SKAP1: variants seen among roughly 807,000 people sequenced by gnomAD.
SKAP1 encodes src kinase associated phosphoprotein 1.
A neutral mutation model predicts 58.5 loss-of-function variants in SKAP1; 44 were observed. The ratio of observed to expected loss-of-function variants is 0.75; its 90% CI spans 0.59 to 0.97. SKAP1 has a LOEUF of 0.97. SKAP1 is among the 50% of genes least tolerant of loss of function. The pLI, the probability that SKAP1 is intolerant of heterozygous loss-of-function variation, is 0.00. For synonymous variants in SKAP1, 127 were observed against 149.7 expected (o/e 0.85, Z 1.11); for missense variants, 390 against 435.2 (o/e 0.90, Z 0.92).
intron 2 of SKAP1, among the ~76,000 whole-genome samples, chr17:48,380,897 G>A (rs189226113): frequency 4.6e-5 from 7 of 152,224 alleles, no homozygotes; most frequent in Admixed American, 3.9e-4. Flanking sequence ...ATCATATTTC[G>A]AAAGTTGAAG....
the SKAP1 span, among the ~76,000 whole-genome samples, chr17:48,441,914 G>A: frequency 2.0e-5 from 3 of 152,096 alleles, no homozygotes; most frequent in South Asian, 2.1e-4. Flanking sequence ...CCATGATCTC[G>A]AAAGGTGGAG....
chr17:48,413,918 T>C (rs2067700026), intron 1 of SKAP1, among the ~76,000 whole-genome samples: 2 of 152,158 alleles, frequency 1.3e-5, no homozygotes, highest in Admixed American at 6.5e-5. Context: ...TTCCCACAGT[T>C]ACCTTTAACT....
intron 10 of SKAP1, 54 bp from the exon 11 acceptor site, chr17:48,162,623 A>G (rs208005): frequency 0.9 from 1,216,376 of 1,358,800 alleles, 545,084 homozygotes; most frequent in Admixed American, 0.93. Context: ...TTTCCGAGGT[A>G]CCCATGTTTT....
intron 4 of SKAP1, among the ~76,000 whole-genome samples, chr17:48,333,376 T>C (rs1375700414): frequency 6.6e-6 from 1 of 152,182 alleles, no homozygotes; most frequent in Admixed American, 6.5e-5. Context: ...TGAAAGCTTA[T>C]GATTTATGTG....
intron 3 of SKAP1, among the ~76,000 whole-genome samples, chr17:48,350,694 C>A (rs913595472): frequency 3.9e-5 from 6 of 152,080 alleles, no homozygotes; most frequent in African/African-American, 1.4e-4. Flanking sequence ...GAAACTCCAT[C>A]TCAAAAACAA....
At chr17:48,363,667 C>G in intron 3 of SKAP1, 122 bp downstream of exon 3, 1 of 829,184 alleles carries the variant, frequency 1.2e-6, no homozygotes, top group South Asian at 2.3e-5. Context: ...AAACACTCCA[C>G]TAACTTTCCT....
chr17:48,195,642 TAATC>T (rs1184990890), intron 4 of SKAP1, among the ~76,000 whole-genome samples: 2 of 152,186 alleles, frequency 1.3e-5, no homozygotes, highest in African/African-American at 4.8e-5. Flanking sequence ...ACAACGTACT[TAATC>T]AAGTTCTTCA....
chr17:48,391,613 T>G (rs1267883587), intron 2 of SKAP1, among the ~76,000 whole-genome samples: 1 of 152,186 alleles, frequency 6.6e-6, no homozygotes, highest in Non-Finnish European at 1.5e-5. Context: ...AGTAATAATG[T>G]TGAAGTTGTT....
At chr17:48,281,075 G>A (rs2065759882) in intron 4 of SKAP1, among the ~76,000 whole-genome samples, 1 of 151,846 alleles carries the variant, frequency 6.6e-6, no homozygotes, top group Admixed American at 6.6e-5. Context: ...TGCCAGGCTG[G>A]AGTGCAGTGG....
chr17:48,357,502 C>T (rs906381391), intron 3 of SKAP1, among the ~76,000 whole-genome samples: 2 of 151,872 alleles, frequency 1.3e-5, no homozygotes, highest in African/African-American at 2.4e-5. Context: ...TGGTGGCGGG[C>T]GCCTGTAGTC....
chr17:48,335,740 C>A (rs944244297), intron 4 of SKAP1, among the ~76,000 whole-genome samples: 9 of 152,042 alleles, frequency 5.9e-5, no homozygotes, highest in Admixed American at 2.6e-4. Context: ...GCTTAAAATT[C>A]ATATTTAACA....
At chr17:48,437,487 A>G in the SKAP1 span, among the ~76,000 whole-genome samples, 4 of 152,192 alleles carry the variant, frequency 2.6e-5, no homozygotes, top group Non-Finnish European at 5.9e-5. Context: ...TCACGCCTGT[A>G]ATCCCAACAC....
intron 2 of SKAP1, among the ~76,000 whole-genome samples, chr17:48,392,740 A>G (rs981422790): frequency 6.6e-5 from 10 of 151,926 alleles, no homozygotes; most frequent in African/African-American, 2.4e-4. Flanking sequence ...CATGCCTGTA[A>G]TCCCAGCTAC....
At chr17:48,239,829 TGAGAGAGAGAGAGAGAGAGACA>T (rs1210083345) in intron 4 of SKAP1, among the ~76,000 whole-genome samples, 1 of 138,730 alleles carries the variant, frequency 7.2e-6, no homozygotes, top group Non-Finnish European at 1.5e-5. Context: ...GTAATTAGAA[TGAGAGAGAGAGAGAGAGAGACA>T]GAGAGAGAGA....
chr17:48,252,224 CAGAG>C (rs143946405), intron 4 of SKAP1, among the ~76,000 whole-genome samples: 40 of 150,160 alleles, frequency 2.7e-4, no homozygotes, highest in African/African-American at 8.5e-4. Flanking sequence ...GAGAATGGGG[CAGAG>C]AGAGAGAGAG....
chr17:48,357,733 T>TA (rs1446151853), intron 3 of SKAP1, among the ~76,000 whole-genome samples: 2 of 152,156 alleles, frequency 1.3e-5, no homozygotes, highest in Non-Finnish European at 2.9e-5. Flanking sequence ...ATTATTCCAC[T>TA]AAAAAAACCA....
At chr17:48,258,599 T>C (rs1598479757) in intron 4 of SKAP1, among the ~76,000 whole-genome samples, 1 of 152,100 alleles carries the variant, frequency 6.6e-6, no homozygotes, top group East Asian at 1.9e-4. Context: ...TTAAAAAATC[T>C]TAAAAAGGGT....
chr17:48,146,386 G>A (rs976719471), intron 11 of SKAP1, among the ~76,000 whole-genome samples: 4 of 151,752 alleles, frequency 2.6e-5, no homozygotes, highest in East Asian at 2.0e-4. Flanking sequence ...CCGGCTACTC[G>A]GGAGGCTAAG....
chr17:48,312,972 T>C (rs1413052119), intron 4 of SKAP1, among the ~76,000 whole-genome samples: 4 of 152,200 alleles, frequency 2.6e-5, no homozygotes, highest in South Asian at 2.1e-4. Flanking sequence ...AGAGGTTTTC[T>C]TTCTGTCTAC....
Sources: gnomAD v4.1 joint callset for allele counts (sites outside exome capture counted in the v4.1 genomes callset) on GRCh38, gnomAD v4.1.1 for gene constraint, MANE v1.5 for transcripts, NCBI Gene and HGNC (gene_info 2026-07-23, HGNC 2026-07-21) for gene names.